ATG7: variants seen among roughly 807,000 people sequenced by gnomAD.
ATG7 encodes the protein autophagy related 7, also known as ubiquitin-like modifier-activating enzyme ATG7.
A neutral mutation model predicts 82.4 loss-of-function variants in ATG7; 70 were observed. That is an observed-to-expected ratio of 0.85 (90% confidence interval 0.70 to 1.04). The LOEUF (loss-of-function observed/expected upper bound fraction) is 1.04. Among genes scored for constraint, ATG7 ranks in the 50% least tolerant of loss-of-function variants. The pLI is 0.00. For synonymous variants in ATG7, 287 were observed against 313.0 expected, an observed-to-expected ratio of 0.92 and a Z score of 0.88; for missense variants, 792 against 864.3, an observed-to-expected ratio of 0.92 and a Z score of 1.05.
intron 4 of ATG7, 62 bp downstream of exon 4, chr3:11,298,917 G>A (rs957521360): frequency 2.4e-5 from 37 of 1,560,840 alleles, no homozygotes; most frequent in Non-Finnish European, 3.2e-5. Context: ...CTCCAGTATA[G>A]TGTCAGCTTT....
chr3:11,520,516 G>A (rs1443807563), intron 20 of ATG7, among the ~76,000 whole-genome samples: 4 of 152,256 alleles, frequency 2.6e-5, no homozygotes, highest in South Asian at 4.1e-4. Flanking sequence ...GCACCATACC[G>A]GATGGGCTGG....
intron 17 of ATG7, among the ~76,000 whole-genome samples, chr3:11,364,439 C>T (rs1473442556): frequency 6.6e-6 from 1 of 152,186 alleles, no homozygotes; most frequent in Non-Finnish European, 1.5e-5. Context: ...AGCAACTTGC[C>T]TATGGTCACA....
At chr3:11,396,255 T>G (rs2079264234) in intron 19 of ATG7, among the ~76,000 whole-genome samples, 1 of 152,136 alleles carries the variant, frequency 6.6e-6, no homozygotes, top group South Asian at 2.1e-4. Context: ...GAGACCAGGC[T>G]TGCCAACACA....
At chr3:11,399,050 T>A (rs1054534061) in intron 19 of ATG7, among the ~76,000 whole-genome samples, 1 of 152,128 alleles carries the variant, frequency 6.6e-6, no homozygotes, top group African/African-American at 2.4e-5. Context: ...CATTGAATTT[T>A]TAAAAATCAG....
At chr3:11,440,700 T>TTTTTTTTTTGG (rs56194256) in intron 20 of ATG7, among the ~76,000 whole-genome samples, 1 of 134,278 alleles carries the variant, frequency 7.4e-6, no homozygotes, top group Non-Finnish European at 1.6e-5. Context: ...TTTTTTTTTT[T>TTTTTTTTTTGG]GAGACGGACT....
the ATG7 span, among the ~76,000 whole-genome samples, chr3:11,566,392 A>G: frequency 1.8e-4 from 28 of 152,354 alleles, no homozygotes; most frequent in South Asian, 5.8e-3. Flanking sequence ...GATATCGACA[A>G]TGAGACAACT....
intron 20 of ATG7, among the ~76,000 whole-genome samples, chr3:11,511,476 G>T (rs1057158954): frequency 1.3e-5 from 2 of 152,354 alleles, no homozygotes; most frequent in East Asian, 3.9e-4. Flanking sequence ...TGTAATCCCT[G>T]AGCTAGATAT....
rs1435850608 is a variant in ATG7, at chr3:11,372,845, C to CGT, written c.1876-7123_1876-7122dup. On this transcript the variant is annotated intron_variant, in intron 18 of 20. Coordinates refer to ENST00000693202, the MANE Select transcript of ATG7 (RefSeq NM_001349232.2). ...GCGTGTGCGTGTGTGTGCGTGCGTG[C>CGT]GTGTGCGTGTGTGTGTGTGAAATCG... Among the ~76,000 whole-genome samples, 82 of 21,388 alleles carry CGT rather than the reference C, an allele frequency of 3.8e-3. 5 individuals are homozygous for CGT. The highest frequency in any genetic ancestry group is 9.2e-3 in the African/African-American group (80 of 8,692). 14.0% of individuals were successfully genotyped at this position (21,388 alleles called of 152,430 possible). A position where few individuals can be genotyped will look rare whatever the true frequency, so the allele number is the denominator to read the frequency against.
At chr3:11,573,236 AAAGAAATAG>A in the ATG7 span, among the ~76,000 whole-genome samples, 1 of 110,128 alleles carries the variant, frequency 9.1e-6, no homozygotes, top group African/African-American at 4.9e-5. Context: ...GACAGAAAGA[AAAGAAATAG>A]AGAAAGAAAG....
chr3:11,469,572 C>T (rs1023773806), intron 20 of ATG7, among the ~76,000 whole-genome samples: 1 of 152,108 alleles, frequency 6.6e-6, no homozygotes, highest in African/African-American at 2.4e-5. Context: ...ATACACTTGG[C>T]CTTTCACCTG....
chr3:11,564,884 C>T, the ATG7 span: 1 of 1,608,630 alleles, frequency 6.2e-7, no homozygotes, highest in Non-Finnish European at 8.5e-7. Context: ...CGAGGGGCTG[C>T]TCCAGGCCAA....
intron 5 of ATG7, among the ~76,000 whole-genome samples, chr3:11,301,091 C>T (rs1322383482): frequency 1.3e-5 from 2 of 152,020 alleles, no homozygotes; most frequent in Non-Finnish European, 2.9e-5. Flanking sequence ...CAGGGGTTGT[C>T]AGAGGAAAAC....
At chr3:11,539,305 G>C (rs2070627626) in intron 20 of ATG7, among the ~76,000 whole-genome samples, 1 of 152,208 alleles carries the variant, frequency 6.6e-6, no homozygotes, top group African/African-American at 2.4e-5. Context: ...TAAATAAATA[G>C]CCTGAGGTGA....
chr3:11,403,993 T>C (rs185964930), intron 19 of ATG7, among the ~76,000 whole-genome samples: 13 of 152,256 alleles, frequency 8.5e-5, no homozygotes, highest in East Asian at 5.8e-4. Context: ...TGTTGACATA[T>C]CAATATTTAA....
intron 11 of ATG7, among the ~76,000 whole-genome samples, chr3:11,339,141 A>G (rs1421347755): frequency 6.6e-6 from 1 of 151,962 alleles, no homozygotes; most frequent in Non-Finnish European, 1.5e-5. Context: ...CTGAAAATAC[A>G]AAAAATTAGC....
At chr3:11,327,137 A>G (rs948372840) in intron 9 of ATG7, among the ~76,000 whole-genome samples, 1 of 152,220 alleles carries the variant, frequency 6.6e-6, no homozygotes, top group African/African-American at 2.4e-5. Context: ...TTCAATAGAT[A>G]CTTGCTGACT....
chr3:11,509,922 C>A (rs1163791656), intron 20 of ATG7, among the ~76,000 whole-genome samples: 1 of 152,146 alleles, frequency 6.6e-6, no homozygotes, highest in Non-Finnish European at 1.5e-5. Context: ...TGATAGTGAT[C>A]TTGGATGGGT....
At chr3:11,457,453 G>C (rs757464416) in intron 20 of ATG7, among the ~76,000 whole-genome samples, 1 of 152,144 alleles carries the variant, frequency 6.6e-6, no homozygotes, top group Non-Finnish European at 1.5e-5. Flanking sequence ...GATAACTGGA[G>C]TCTCTTCTTG....
At position 11,305,338 on chromosome 3, in the gene ATG7, C is replaced by G. The variant is rs141543123; in HGVS notation, c.216-1605C>G. On this transcript the variant is annotated intron_variant, in intron 5 of 20. Coordinates refer to ENST00000693202, the MANE Select transcript of ATG7 (RefSeq NM_001349232.2). The stretch of plus-strand genomic sequence containing the variant: ...TAGCCATCTTGCAGTTGCTTGAGTT[C>G]TTGGTATGCAGTTTTCTCCTTTCAC... Among the ~76,000 whole-genome samples, 656 of 152,322 alleles carry G rather than the reference C, an allele frequency of 4.3e-3. 5 individuals are homozygous for G. Among genetic ancestry groups the G allele is most frequent in the African/African-American group, 0.015 (623 of 41,572 alleles).
Sources: allele counts gnomAD v4.1 joint callset (sites outside exome capture counted in the v4.1 genomes callset), GRCh38; gene constraint gnomAD v4.1.1; transcripts MANE v1.5; gene names NCBI Gene and HGNC (gene_info 2026-07-23, HGNC 2026-07-21).